HHAT: variants seen among roughly 807,000 people sequenced by gnomAD.
HHAT encodes the protein protein-cysteine N-palmitoyltransferase HHAT.
In HHAT, 47 loss-of-function variants were observed where a neutral mutation model predicts 70.8. That is an observed-to-expected ratio of 0.66 (90% CI 0.53 to 0.85). The LOEUF (loss-of-function observed/expected upper bound fraction) is 0.85. Ranked by LOEUF, HHAT falls within the 40% of genes least tolerant of loss-of-function variation. The probability of loss-of-function intolerance (pLI) is 0.00; values close to 1 mark genes in which losing one functional copy is unlikely to be tolerated. For synonymous variants in HHAT, 228 were observed against 247.6 expected (o/e 0.92, Z 0.74); for missense variants, 609 against 604.8 (o/e 1.01, Z -0.07).
At chr1:210,608,730 A>G (rs1455122615) in intron 10 of HHAT, among the ~76,000 whole-genome samples, 1 of 152,124 alleles carries the variant, frequency 6.6e-6, no homozygotes, top group Non-Finnish European at 1.5e-5. Flanking sequence ...ACAGAAATTT[A>G]TTTCCTAGAG....
At chr1:210,640,247 A>T (rs896717864) in intron 11 of HHAT, among the ~76,000 whole-genome samples, 2 of 152,222 alleles carry the variant, frequency 1.3e-5, no homozygotes, top group African/African-American at 4.8e-5. Context: ...TGATGTAGAT[A>T]CTACAAACTA....
At chr1:210,554,123 AAG>A (rs2095552129) in intron 9 of HHAT, among the ~76,000 whole-genome samples, 1 of 134,626 alleles carries the variant, frequency 7.4e-6, no homozygotes, top group South Asian at 2.6e-4. Context: ...CATTTTAAGA[AAG>A]AGAGTAATAA....
intron 11 of HHAT, among the ~76,000 whole-genome samples, chr1:210,671,961 G>A (rs960167082): frequency 2.6e-5 from 4 of 152,190 alleles, no homozygotes; most frequent in Admixed American, 1.3e-4. Flanking sequence ...TGACTTCCCT[G>A]TTGTCACTCT....
At position 210,484,415 on chromosome 1, in the gene HHAT, A is replaced by G. The variant is rs184272176; in HGVS notation, c.1007+19760A>G. 1.9e-4 allele frequency among the ~76,000 whole-genome samples: 29 copies of G among 152,078 alleles called. No homozygotes were observed. In the East Asian group the frequency reaches 4.2e-3, roughly 22 times the overall value. Reference sequence around the variant, plus strand: ...GTCATCTGGAGGGACACCATGTCCAACTCTGCCCATTAGAGATGTTAATTT... The same window carrying G: ...GTCATCTGGAGGGACACCATGTCCAGCTCTGCCCATTAGAGATGTTAATTT... On this transcript the variant is annotated intron_variant, in intron 8 of 11. Coordinates refer to ENST00000261458, the MANE Select transcript of HHAT (RefSeq NM_018194.6).
At chr1:210,370,879 G>T (rs536185736) in intron 3 of HHAT, among the ~76,000 whole-genome samples, 1 of 152,270 alleles carries the variant, frequency 6.6e-6, no homozygotes, top group African/African-American at 2.4e-5. Flanking sequence ...CTCCCAAAGT[G>T]CTGGGATTAC....
rs55874321 is a variant in HHAT, at chr1:210,614,018, C to CAAA, written c.1246-9485_1246-9483dup. Among the ~76,000 whole-genome samples, 117 of 111,558 alleles carry CAAA rather than the reference C, an allele frequency of 1.0e-3. 1 individual carries two copies. The highest frequency in any genetic ancestry group is 3.8e-3 in the African/African-American group (106 of 28,042). The allele number at this position is 111,558 out of a possible 152,430, so 73.2% of individuals were successfully genotyped here. A position where few individuals can be genotyped will look rare whatever the true frequency, so the allele number is the denominator to read the frequency against. The stretch of plus-strand genomic sequence containing the variant: ...CTGGAGACAGAGTGAGACCCTGCCT[C>CAAA]AAAAAAAAAAAAAAAAAAAAAAAAA... On this transcript the variant is annotated intron_variant, in intron 10 of 11. Transcript: ENST00000261458.
At chr1:210,621,072 C>G (rs1378256953) in intron 10 of HHAT, among the ~76,000 whole-genome samples, 1 of 152,146 alleles carries the variant, frequency 6.6e-6, no homozygotes, top group Non-Finnish European at 1.5e-5. Flanking sequence ...TCAGCTCCTC[C>G]TCCTGCTGTG....
At position 210,460,567 on chromosome 1, in the gene HHAT, C is replaced by T. The variant is rs560658202; in HGVS notation, c.857-3938C>T. Among the ~76,000 whole-genome samples the T allele has an allele frequency of 7.2e-5, 11 of 152,254 alleles. No homozygotes were observed. The East Asian group carries it at 2.1e-3, about 29-fold the overall frequency. On this transcript the variant is annotated intron_variant, in intron 7 of 11. Transcript: ENST00000261458. ...TCATTCCTAATTTACATTCTTTTCT[C>T]TTTTAACAGACCGTAACACTCTATA...
At chr1:210,400,702 C>G (rs1305548647) in intron 5 of HHAT, 40 bp downstream of exon 5, 1 of 1,575,424 alleles carries the variant, frequency 6.3e-7, no homozygotes, top group Non-Finnish European at 8.6e-7. Context: ...CCAGAGAAGG[C>G]CCCTTTGGCT....
chr1:210,491,016 C>T (rs2094542123), intron 8 of HHAT, among the ~76,000 whole-genome samples: 1 of 151,954 alleles, frequency 6.6e-6, no homozygotes, highest in Non-Finnish European at 1.5e-5. Context: ...AGCCATCTCA[C>T]ATAAACTGTC....
intron 8 of HHAT, among the ~76,000 whole-genome samples, chr1:210,494,101 C>A (rs1367872581): frequency 1.3e-5 from 2 of 152,192 alleles, no homozygotes; most frequent in Non-Finnish European, 2.9e-5. Flanking sequence ...GGCTTAAAGG[C>A]TAAATCTCAA....
At chr1:210,431,889 T>C (rs1037743538) in intron 7 of HHAT, among the ~76,000 whole-genome samples, 1 of 151,828 alleles carries the variant, frequency 6.6e-6, no homozygotes, top group Non-Finnish European at 1.5e-5. Flanking sequence ...ATTTGAAAAG[T>C]AGTATAATAG....
intron 7 of HHAT, among the ~76,000 whole-genome samples, chr1:210,440,736 T>G (rs2093486589): frequency 6.6e-6 from 1 of 151,928 alleles, no homozygotes; most frequent in South Asian, 2.1e-4. Flanking sequence ...TACCTGGAGC[T>G]TCCAGACTCT....
At chr1:210,558,067 T>C (rs1184780492) in intron 9 of HHAT, among the ~76,000 whole-genome samples, 1 of 152,144 alleles carries the variant, frequency 6.6e-6, no homozygotes, top group Non-Finnish European at 1.5e-5. Context: ...ACTTGAGCAG[T>C]GAGAATGATT....
At chr1:210,375,800 T>C (rs1571998891) in intron 3 of HHAT, among the ~76,000 whole-genome samples, 1 of 151,814 alleles carries the variant, frequency 6.6e-6, no homozygotes, top group African/African-American at 2.4e-5. Context: ...ATTTTTTCAG[T>C]CAGTTTTCTC....
rs1435198621 is a variant in HHAT, at chr1:210,549,898, T to C, written c.1043+36710T>C. On this transcript the variant is annotated intron_variant, in intron 9 of 11. Transcript: ENST00000261458. ...CTGTTGTTCAGTTGAATCATACTAC[T>C]CACTTGCATTCTGCCTTTCTAAAAA... Among the ~76,000 whole-genome samples the C allele has an allele frequency of 1.3e-5, 2 of 148,772 alleles. 1 individual carries two copies. The highest frequency in any genetic ancestry group is 5.0e-5 in the African/African-American group (2 of 40,160).
rs1487919886 is a variant in HHAT at position 210,464,538 on chromosome 1, A to G, written c.890A>G (p.Tyr297Cys). Residue 297 changes from tyrosine to cysteine, a missense_variant, in exon 8 of 12, where the codon TAC becomes TGC. By Grantham distance (194) the Tyr-to-Cys change is radical. Transcript: ENST00000261458. ...GCGTTAGCCCAGGTGCTCTTTTTCT[A>G]CGTGAAGTACTTGGTGCTCTTTGGC... ...GLALAQVLFF[Y>C]VKYLVLFGVP... is the part of the protein sequence containing the mutation. 1.2e-6 allele frequency: 2 copies of G among 1,613,944 alleles called. No homozygotes were observed. The highest frequency in any genetic ancestry group is 1.3e-5 in the African/African-American group (1 of 74,876).
intron 9 of HHAT, among the ~76,000 whole-genome samples, chr1:210,582,036 G>A (rs553080897): frequency 1.4e-3 from 220 of 152,242 alleles, no homozygotes; most frequent in Admixed American, 3.8e-3. Context: ...TCAATCAGTG[G>A]AACAGACAGT....
At chr1:210,514,303 G>C (rs2095015001) in intron 9 of HHAT, among the ~76,000 whole-genome samples, 1 of 152,132 alleles carries the variant, frequency 6.6e-6, no homozygotes, top group South Asian at 2.1e-4. Context: ...CTTTCTCCAG[G>C]ATCCAGACAC....
Sources: gnomAD v4.1 joint callset for allele counts (sites outside exome capture counted in the v4.1 genomes callset) on GRCh38, gnomAD v4.1.1 for gene constraint, MANE v1.5 for transcripts, NCBI Gene and HGNC (gene_info 2026-07-23, HGNC 2026-07-21) for gene names.